The following PLEKHM1 variants were observed in gnomAD, a reference collection of about 807,000 sequenced individuals.
PLEKHM1 encodes the protein pleckstrin homology and RUN domain containing M1.
In PLEKHM1, 28 loss-of-function variants were observed where a neutral mutation model predicts 94.3. That is an observed-to-expected ratio of 0.30 (90% CI 0.22 to 0.41). The LOEUF is 0.41. PLEKHM1 is among the 10% of genes least tolerant of loss of function. The probability of loss-of-function intolerance (pLI) is 1.00; values close to 1 mark genes in which losing one functional copy is unlikely to be tolerated. For missense variants in PLEKHM1, 907 were observed against 1,358.6 expected (o/e 0.67, Z 5.22); for synonymous variants, 424 against 581.2 (o/e 0.73, Z 3.89).
intron 3 of PLEKHM1, among the ~76,000 whole-genome samples, chr17:45,476,364 C>T (rs1418193808): frequency 6.6e-6 from 1 of 151,776 alleles, no homozygotes; most frequent in East Asian, 1.9e-4. Flanking sequence ...AGACATGGTC[C>T]CTGCCCTCAG....
rs1260070615 is a variant in PLEKHM1, at chr17:45,445,736, A to G, written c.2644-73T>C. On this transcript the variant is annotated intron_variant, in intron 8 of 11. Coordinates refer to ENST00000430334, the MANE Select transcript of PLEKHM1 (RefSeq NM_014798.3). This position sits in a 1 kb window ranked among gnomAD's most constrained non-coding sequence, Gnocchi z 4.2. ...TGAGCACTGCCTGGCCAGGTGCCAC[A>G]TGACCTGCTCACTTACCTGAGGGGC... 1 of 1,131,148 alleles carries G rather than the reference A, an allele frequency of 8.8e-7. No individual in the cohort carries two copies. The highest frequency in any genetic ancestry group is 1.3e-6 in the Non-Finnish European group (1 of 741,620). The allele number at this position is 1,131,148 out of a possible 1,614,324, so 70.1% of individuals were successfully genotyped here.
At chr17:45,450,515 G>A (rs919301722) in intron 8 of PLEKHM1, 103 bp downstream of exon 8, 44 of 1,525,670 alleles carry the variant, frequency 2.9e-5, no homozygotes, top group Non-Finnish European at 3.8e-5. Context: ...GGCTTCCCTT[G>A]TTTAGAGGAG....
At chr17:45,443,934 C>T (rs2050524721) in intron 9 of PLEKHM1, among the ~76,000 whole-genome samples, 1 of 152,070 alleles carries the variant, frequency 6.6e-6, no homozygotes. Context: ...CATGGTGGTC[C>T]CTGGAAGGCT....
At position 45,446,284 on chromosome 17, in the gene PLEKHM1, C is replaced by CTA. The variant is rs199511699; in HGVS notation, c.2644-623_2644-622dup. ...AATACCAATGCCAATAATCGAGCGCCTACTATTTGCAAAACACTGGGTCAG... is the reference window on the plus strand; with the variant it reads ...AATACCAATGCCAATAATCGAGCGCCTATACTATTTGCAAAACACTGGGTCAG... On this transcript the variant is annotated intron_variant, in intron 8 of 11. Coordinates refer to ENST00000430334, the MANE Select transcript of PLEKHM1 (RefSeq NM_014798.3). The CTA allele has an allele frequency of 1.1e-3, 176 of 154,940 alleles. 6 individuals are homozygous for CTA. The East Asian group carries it at 0.027, about 23-fold the overall frequency. 9.6% of individuals were successfully genotyped at this position (154,940 alleles called of 1,614,324 possible).
chr17:45,448,370 G>C (rs540103191), intron 8 of PLEKHM1, among the ~76,000 whole-genome samples: 2 of 152,382 alleles, frequency 1.3e-5, no homozygotes, highest in Non-Finnish European at 2.9e-5. Context: ...GGGAGGTGGA[G>C]GTTGAGGTAG....
At chr17:45,438,005 G>C (rs1473577955) in intron 11 of PLEKHM1, 36 bp from the exon 12 acceptor site, 6 of 1,553,476 alleles carry the variant, frequency 3.9e-6, no homozygotes, top group Non-Finnish European at 5.3e-6. Context: ...GGTGCCGGCT[G>C]GGCTGGAGGT....
chr17:45,450,142 C>T lies in PLEKHM1; in HGVS notation c.2643+476G>A, dbSNP rs901046556. Among the ~76,000 whole-genome samples the T allele has an allele frequency of 3.3e-5, 5 of 151,802 alleles. No homozygotes were observed. The East Asian group carries it at 9.7e-4, about 29-fold the overall frequency. On this transcript the variant is annotated intron_variant, in intron 8 of 11. Coordinates refer to ENST00000430334, the MANE Select transcript of PLEKHM1 (RefSeq NM_014798.3). ...CTAGCCGCCTGCTCATCCACCTAGC[C>T]ACCTGCTCATTCACCTACCTACCTA...
rs1231958896 is a variant in PLEKHM1, at chr17:45,468,358, G to C, written c.1159C>G (p.Gln387Glu). 3.7e-6 allele frequency: 6 copies of C among 1,614,122 alleles called. No individual in the cohort carries two copies. Among genetic ancestry groups the C allele is most frequent in the South Asian group, 1.1e-5 (1 of 91,066 alleles). ...RPQAPSPLDLQQPVESTSGQQ... is the reference protein window; with the variant it reads ...RPQAPSPLDLEQPVESTSGQQ... Reference sequence around the variant, plus strand: ...CCTGAGGTGCTCTCTACAGGCTGCTGTAAGTCCAGGGGGCTGGGCGCCTGG... The same window carrying C: ...CCTGAGGTGCTCTCTACAGGCTGCTCTAAGTCCAGGGGGCTGGGCGCCTGG... The change falls in exon 5 of 12, where the codon CAG becomes GAG. Residue 387 changes from glutamine (Q) to glutamate (E), a missense_variant. By Grantham distance (29) the Gln-to-Glu change is conservative (BLOSUM62 2). Coordinates refer to ENST00000430334, the MANE Select transcript of PLEKHM1 (RefSeq NM_014798.3).
chr17:45,478,193 T>C (rs370418784), intron 2 of PLEKHM1, 46 bp from the exon 3 acceptor site: 2 of 1,613,188 alleles, frequency 1.2e-6, no homozygotes, highest in South Asian at 2.2e-5. Context: ...GAAAATCCTA[T>C]GGAGAGTCCC....
In PLEKHM1 at chr17:45,474,990, C is replaced by T; in HGVS notation, c.923+110G>A. On this transcript the variant is annotated intron_variant, in intron 4 of 11. Coordinates refer to ENST00000430334, the MANE Select transcript of PLEKHM1 (RefSeq NM_014798.3). Reference sequence around the variant, plus strand: ...TGACTCCCTTGGCTTTCTTTAATTACTAATAGAGTTCAGTAACAGACAATC... The same window carrying T: ...TGACTCCCTTGGCTTTCTTTAATTATTAATAGAGTTCAGTAACAGACAATC... 2 of 1,140,512 alleles carry T rather than the reference C, an allele frequency of 1.8e-6. 1 individual carries two copies. Among genetic ancestry groups the T allele is most frequent in the South Asian group, 2.6e-5 (2 of 76,140 alleles). 70.6% of individuals were successfully genotyped at this position (1,140,512 alleles called of 1,614,324 possible). A position where few individuals can be genotyped will look rare whatever the true frequency, so the allele number is the denominator to read the frequency against.
intron 1 of PLEKHM1, among the ~76,000 whole-genome samples, chr17:45,484,777 G>C (rs1319396724): frequency 6.6e-6 from 1 of 152,148 alleles, no homozygotes; most frequent in Non-Finnish European, 1.5e-5. Context: ...TGGGGGCCGG[G>C]AACAGGGGGT....
In PLEKHM1 at chr17:45,458,520, G is replaced by C. The variant is rs186003283; in HGVS notation, c.1309-81C>G. The C allele has an allele frequency of 1.5e-5, 22 of 1,429,938 alleles. No individual in the cohort carries two copies. In the African/African-American group the frequency reaches 3.0e-4, roughly 19 times the overall value. The allele number at this position is 1,429,938 out of a possible 1,614,324, so 88.6% of individuals were successfully genotyped here. On this transcript the variant is annotated intron_variant, in intron 5 of 11. Transcript: ENST00000430334. ...GAGTCTCGCTCTGTTGCCCAGGCTG[G>C]AGTGCAATCGCGCAACCTCGGCTCA...
chr17:45,455,101 TG>T (rs2050906218), intron 6 of PLEKHM1, among the ~76,000 whole-genome samples: 2 of 152,340 alleles, frequency 1.3e-5, no homozygotes, highest in Admixed American at 1.3e-4. Flanking sequence ...CACTTCAGCC[TG>T]GGTGACAGAG....
chr17:45,462,558 C>T (rs938491807), intron 5 of PLEKHM1, among the ~76,000 whole-genome samples: 5 of 152,062 alleles, frequency 3.3e-5, no homozygotes, highest in African/African-American at 1.2e-4. Flanking sequence ...CCCTTCCCAC[C>T]CCCTAGCTGG....
chr17:45,435,496 T>C (rs1456819309), downstream of PLEKHM1, among the ~76,000 whole-genome samples: 2 of 152,164 alleles, frequency 1.3e-5, no homozygotes, highest in Non-Finnish European at 2.9e-5. Flanking sequence ...GAGCCCCATC[T>C]CTCCTTTATT....
In PLEKHM1 at chr17:45,475,213, G is replaced by C; in HGVS notation, c.810C>G (p.Ser270Arg). The C allele has an allele frequency of 6.2e-7, 1 of 1,614,004 alleles. No homozygotes were observed. Among genetic ancestry groups the C allele is most frequent in the South Asian group, 1.1e-5 (1 of 91,082 alleles). The stretch of plus-strand genomic sequence containing the variant: ...TGGAGCCATTCTCTTGGAGTAAGCA[G>C]CTATCAGAGTTTAGGCTGCAGGACA... ...SQLSCSLNSDSCLLQENGSKS... is the reference protein window; with the variant it reads ...SQLSCSLNSDRCLLQENGSKS... Residue 270 changes from serine to arginine, a missense_variant, in exon 4 of 12, where the codon AGC (serine) becomes AGG (arginine). Physicochemically the swap from Ser to Arg is moderately radical, Grantham distance 110 (BLOSUM62 -1). This residue lies in a region of PLEKHM1 where 477 missense variants were observed against 601.5 expected (regional missense o/e 0.79). Transcript: ENST00000430334.
rs554864108 is a variant in PLEKHM1, at chr17:45,453,828, G to A, written c.2024C>T (p.Ser675Leu). The A allele has an allele frequency of 7.9e-5, 127 of 1,613,962 alleles. No homozygotes were observed. The East Asian group carries it at 2.2e-3, about 28-fold the overall frequency. Residue 675 changes from serine to leucine, a missense_variant, in exon 7 of 12, where the codon TCG becomes TTG. Transcript: ENST00000430334. The surrounding 1 kb of genome is among the most constrained non-coding windows in gnomAD (Gnocchi z 4.1). ...AALQGTQFDW[S>L]SAQVPEPDAI... ...ATCTGGCTCTGGAACCTGGGCGGAC[G>A]ACCAGTCAAACTGTGTGCCCTGGAG... is the stretch of plus-strand genomic sequence containing the variant.
At chr17:45,476,679 G>C (rs1278176912) in intron 3 of PLEKHM1, among the ~76,000 whole-genome samples, 1 of 152,120 alleles carries the variant, frequency 6.6e-6, no homozygotes, top group East Asian at 1.9e-4. Context: ...GTTTAGAAAA[G>C]TGACTTGACC....
At chr17:45,471,873 C>G (rs2051525012) in intron 4 of PLEKHM1, among the ~76,000 whole-genome samples, 1 of 152,168 alleles carries the variant, frequency 6.6e-6, no homozygotes, top group Non-Finnish European at 1.5e-5. Context: ...TTAAACCCTC[C>G]AGACTATACC....
Sources: allele counts gnomAD v4.1 joint callset (sites outside exome capture counted in the v4.1 genomes callset), GRCh38; gene constraint gnomAD v4.1.1; regional missense constraint gnomAD v4.1.1; non-coding constraint Gnocchi (gnomAD v3.1); transcripts MANE v1.5; gene names NCBI Gene and HGNC (gene_info 2026-07-23, HGNC 2026-07-21).